The following MYRIP variants were observed in gnomAD, a reference collection of about 807,000 sequenced individuals.
MYRIP encodes myosin VIIA and Rab interacting protein.
A neutral mutation model predicts 98.0 loss-of-function variants in MYRIP; 49 were observed. The ratio of observed to expected loss-of-function variants is 0.50; its 90% CI spans 0.40 to 0.63. The LOEUF is 0.63. Among genes scored for constraint, MYRIP ranks in the 30% least tolerant of loss-of-function variants. MYRIP has a pLI of 0.00. For missense variants in MYRIP, 1,004 were observed against 1,058.2 expected (o/e 0.95, Z 0.71); for synonymous variants, 404 against 409.5 (o/e 0.99, Z 0.16).
intron 1 of MYRIP, among the ~76,000 whole-genome samples, chr3:39,867,736 T>A (rs991112541): frequency 6.6e-6 from 1 of 152,216 alleles, no homozygotes; most frequent in Non-Finnish European, 1.5e-5. Context: ...GAAAACAGTT[T>A]GGCAGCTCCT....
At chr3:39,992,267 C>T (rs1016030867) in intron 2 of MYRIP, among the ~76,000 whole-genome samples, 1 of 152,162 alleles carries the variant, frequency 6.6e-6, no homozygotes, top group African/African-American at 2.4e-5. Context: ...GACTCTTTCC[C>T]CATGCAATGT....
intron 8 of MYRIP, among the ~76,000 whole-genome samples, chr3:40,175,970 G>A (rs373390710): frequency 6.6e-6 from 1 of 152,228 alleles, no homozygotes; most frequent in Non-Finnish European, 1.5e-5. Context: ...AGAATGTGAG[G>A]AACAACCATT....
At chr3:40,121,840 C>A (rs1949413159) in intron 3 of MYRIP, among the ~76,000 whole-genome samples, 1 of 152,124 alleles carries the variant, frequency 6.6e-6, no homozygotes, top group Non-Finnish European at 1.5e-5. Context: ...AAAGGGGTTT[C>A]TGATAATGCC....
At chr3:39,978,603 A>G (rs1945811214) in intron 2 of MYRIP, among the ~76,000 whole-genome samples, 1 of 152,238 alleles carries the variant, frequency 6.6e-6, no homozygotes, top group South Asian at 2.1e-4. Flanking sequence ...TGACATAAAC[A>G]GTCTTCCCCG....
chr3:39,873,125 A>G (rs145345428), intron 1 of MYRIP, among the ~76,000 whole-genome samples: 5,037 of 152,298 alleles, frequency 0.033, 125 homozygotes, highest in Non-Finnish European at 0.042. Context: ...TTTTGGCTGC[A>G]TAAATATCTT....
At chr3:40,253,349 G>A (rs1485647656) in intron 16 of MYRIP, among the ~76,000 whole-genome samples, 2 of 152,158 alleles carry the variant, frequency 1.3e-5, no homozygotes, top group African/African-American at 2.4e-5. Flanking sequence ...TCCCTAAATA[G>A]GGACTTGTAT....
At chr3:40,166,175 A>C (rs1950495369) in intron 5 of MYRIP, among the ~76,000 whole-genome samples, 1 of 152,234 alleles carries the variant, frequency 6.6e-6, no homozygotes, top group Non-Finnish European at 1.5e-5. Context: ...TTATATTTGC[A>C]TTAAGTCATA....
chr3:39,938,985 G>T (rs1387802016), intron 2 of MYRIP, among the ~76,000 whole-genome samples: 1 of 152,134 alleles, frequency 6.6e-6, no homozygotes, highest in Non-Finnish European at 1.5e-5. Context: ...CATAGAAGAT[G>T]CTTCATTTCC....
intron 2 of MYRIP, among the ~76,000 whole-genome samples, chr3:39,955,854 C>CA (rs199590074): frequency 3.4e-4 from 51 of 151,068 alleles, no homozygotes; most frequent in East Asian, 1.6e-3. Flanking sequence ...AAATGGAAAA[C>CA]AAAAAAAAGC....
chr3:39,896,238 G>C (rs566314408), intron 1 of MYRIP, among the ~76,000 whole-genome samples: 25 of 152,328 alleles, frequency 1.6e-4, no homozygotes, highest in African/African-American at 6.0e-4. Context: ...CCAGGACAGA[G>C]GCTCTGACAT....
intron 2 of MYRIP, among the ~76,000 whole-genome samples, chr3:39,984,193 G>GT (rs144135376): frequency 6.9e-6 from 1 of 145,566 alleles, no homozygotes; most frequent in African/African-American, 2.6e-5. Flanking sequence ...TGTAAGGAAA[G>GT]TTTATTTTAT....
chr3:40,205,454 T>C (rs1951767275), intron 10 of MYRIP, among the ~76,000 whole-genome samples: 1 of 152,158 alleles, frequency 6.6e-6, no homozygotes, highest in East Asian at 1.9e-4. Context: ...TGAAAAGCAC[T>C]GCTTTCTTGT....
intron 3 of MYRIP, among the ~76,000 whole-genome samples, chr3:40,075,000 CAT>C (rs1242791036): frequency 6.6e-6 from 1 of 152,028 alleles, no homozygotes; most frequent in East Asian, 1.9e-4. Context: ...AGAAAAAGGA[CAT>C]GTGAAATAAG....
intron 3 of MYRIP, among the ~76,000 whole-genome samples, chr3:40,136,988 G>A (rs1449327806): frequency 2.6e-5 from 4 of 152,058 alleles, no homozygotes; most frequent in Non-Finnish European, 5.9e-5. Context: ...AGAAGCAAGA[G>A]CAAACACATT....
intron 2 of MYRIP, among the ~76,000 whole-genome samples, chr3:40,039,096 A>C (rs897032685): frequency 6.6e-6 from 1 of 152,084 alleles, no homozygotes; most frequent in African/African-American, 2.4e-5. Context: ...TTCCTCTTCC[A>C]TTACCTTCCA....
intron 2 of MYRIP, among the ~76,000 whole-genome samples, chr3:39,985,149 C>T (rs1179631418): frequency 6.6e-6 from 1 of 151,800 alleles, no homozygotes; most frequent in Non-Finnish European, 1.5e-5. Flanking sequence ...CACAAGCATT[C>T]TTATACACCA....
intron 1 of MYRIP, among the ~76,000 whole-genome samples, chr3:39,831,845 G>A (rs562559916): frequency 1.0e-3 from 154 of 152,266 alleles, no homozygotes; most frequent in African/African-American, 3.6e-3. Flanking sequence ...GGTGGCTCTC[G>A]TATTGGACAG....
At chr3:40,240,582 G>C (rs980176933) in intron 12 of MYRIP, among the ~76,000 whole-genome samples, 2 of 152,162 alleles carry the variant, frequency 1.3e-5, no homozygotes, top group African/African-American at 4.8e-5. Context: ...GCGCTTTTCC[G>C]ATGGGCTTAA....
chr3:39,995,206 A>G (rs972120135), intron 2 of MYRIP, among the ~76,000 whole-genome samples: 4 of 152,238 alleles, frequency 2.6e-5, no homozygotes, highest in African/African-American at 9.6e-5. Flanking sequence ...TGACAAGTTG[A>G]GAGAAGAAGG....
Sources: allele counts gnomAD v4.1 joint callset (sites outside exome capture counted in the v4.1 genomes callset), GRCh38; gene constraint gnomAD v4.1.1; transcripts MANE v1.5; gene names NCBI Gene and HGNC (gene_info 2026-07-23, HGNC 2026-07-21).